RCL1: variants seen among roughly 807,000 people sequenced by gnomAD.
RCL1 encodes the protein RNA terminal phosphate cyclase like 1.
RCL1 carries 24 observed loss-of-function variants against 42.4 expected under a neutral mutation model. The ratio of observed to expected loss-of-function variants is 0.57; its 90% CI spans 0.41 to 0.80. RCL1 has a LOEUF of 0.80. RCL1 is among the 30% of genes least tolerant of loss of function. RCL1 has a pLI of 0.00. For synonymous variants in RCL1, 228 were observed against 177.3 expected (o/e 1.29, Z -2.27); for missense variants, 578 against 467.9 (o/e 1.24, Z -2.17).
intron 1 of RCL1, among the ~76,000 whole-genome samples, chr9:4,811,391 A>C (rs575630390): frequency 3.9e-5 from 6 of 152,040 alleles, no homozygotes; most frequent in African/African-American, 1.4e-4. Flanking sequence ...CTGTACTTTT[A>C]TATTTGTTAA....
intron 1 of RCL1, among the ~76,000 whole-genome samples, chr9:4,796,224 A>G (rs983022480): frequency 6.6e-6 from 1 of 152,070 alleles, no homozygotes; most frequent in African/African-American, 2.4e-5. Flanking sequence ...TAATTTTTCA[A>G]TCTCCCTCAA....
intron 7 of RCL1, 141 bp from the exon 8 acceptor site, chr9:4,849,306 A>G: frequency 1.6e-6 from 1 of 638,054 alleles, no homozygotes; most frequent in African/African-American, 1.8e-5. Context: ...GATTACTCTT[A>G]TAAGACCTGT....
intron 1 of RCL1, among the ~76,000 whole-genome samples, chr9:4,812,335 T>A (rs1312966507): frequency 1.1e-5 from 1 of 90,008 alleles, no homozygotes; most frequent in Non-Finnish European, 3.0e-5. Flanking sequence ...CATTTAAGTC[T>A]TTAAGTTCAT....
Position 4,792,944 on chromosome 9 carries a change from A to T in RCL1, c.-148A>T. ...TCTAGTCTCTCCGTCTTCCTGTTCCAAACCACGTGGACGCGTCTGGGCTGC... is the reference window on the plus strand; with the variant it reads ...TCTAGTCTCTCCGTCTTCCTGTTCCTAACCACGTGGACGCGTCTGGGCTGC... On this transcript the variant is annotated 5_prime_UTR_variant, in exon 1 of 9. Coordinates refer to ENST00000381750, the MANE Select transcript of RCL1 (RefSeq NM_005772.5). 1.2e-6 allele frequency: 1 copy of T among 809,202 alleles called. No individual in the cohort carries two copies. Among genetic ancestry groups the T allele is most frequent in the Non-Finnish European group, 1.8e-6 (1 of 543,454 alleles). The allele number at this position is 809,202 out of a possible 1,614,324, so 50.1% of individuals were successfully genotyped here.
chr9:4,858,919 A>G (rs992892382), intron 8 of RCL1, among the ~76,000 whole-genome samples: 3 of 152,212 alleles, frequency 2.0e-5, no homozygotes, highest in Admixed American at 2.0e-4. Flanking sequence ...TGTTAACAAC[A>G]TAGATTTCTG....
In RCL1 at chr9:4,834,471, CTT is replaced by C. The variant is rs5896097; in HGVS notation, c.584+224_584+225del. Among the ~76,000 whole-genome samples the C allele has an allele frequency of 4.8e-3, 619 of 128,414 alleles. 1 individual carries two copies. The highest frequency in any genetic ancestry group is 5.1e-3 in the Admixed American group (66 of 12,838). The allele number at this position is 128,414 out of a possible 152,430, so 84.2% of individuals were successfully genotyped here. On this transcript the variant is annotated intron_variant, in intron 5 of 8. Coordinates refer to ENST00000381750, the MANE Select transcript of RCL1 (RefSeq NM_005772.5). The stretch of plus-strand genomic sequence containing the variant: ...CCATGACTAGATTGATTGAGTCATT[CTT>C]TTTTTTTTTTTTTTTTTAATTTTCC...
rs80178210 is a variant in RCL1 at position 4,848,724 on chromosome 9, A to G, written c.868-723A>G. On this transcript the variant is annotated intron_variant, in intron 7 of 8. Transcript: ENST00000381750. ...GGCTGAGAAAATGAAAAACAAAAGA[A>G]GAAAGGCAACCTAAGCAGTTGTACC... 2.0e-4 allele frequency among the ~76,000 whole-genome samples: 30 copies of G among 152,338 alleles called. 1 individual carries two copies. The East Asian group carries it at 5.6e-3, about 28-fold the overall frequency.
chr9:4,796,887 AC>A (rs1348319535), intron 1 of RCL1, among the ~76,000 whole-genome samples: 1 of 152,172 alleles, frequency 6.6e-6, no homozygotes, highest in Non-Finnish European at 1.5e-5. Context: ...CTGGGTAGAT[AC>A]CCAGTAGTGG....
At chr9:4,812,501 C>T (rs577985515) in intron 1 of RCL1, among the ~76,000 whole-genome samples, 2 of 152,182 alleles carry the variant, frequency 1.3e-5, no homozygotes, top group Admixed American at 6.5e-5. Flanking sequence ...TGGGCTCAAA[C>T]GATCCTCCTG....
intron 1 of RCL1, among the ~76,000 whole-genome samples, chr9:4,803,314 A>T (rs1405615921): frequency 6.6e-6 from 1 of 152,168 alleles, no homozygotes; most frequent in Admixed American, 6.5e-5. Context: ...ATTATTTAGG[A>T]TATTAACACA....
At chr9:4,832,793 C>T (rs1816983888) in intron 3 of RCL1, among the ~76,000 whole-genome samples, 2 of 112,654 alleles carry the variant, frequency 1.8e-5, no homozygotes, top group East Asian at 2.8e-4. Context: ...GGTGACAGAG[C>T]GAGATTCCAC....
At chr9:4,799,323 A>G (rs975221128) in intron 1 of RCL1, among the ~76,000 whole-genome samples, 1 of 152,054 alleles carries the variant, frequency 6.6e-6, no homozygotes, top group African/African-American at 2.4e-5. Flanking sequence ...TAAGAAAACA[A>G]ACTTTTTATT....
Position 4,793,041 on chromosome 9 carries a change from G to A in RCL1, c.-51G>A, listed in dbSNP as rs764547174. On this transcript the variant is annotated 5_prime_UTR_variant, in exon 1 of 9. Transcript: ENST00000381750. ...CATCGGAGTCACGAGTCCCGCGTCTGTCCGAAGTCGCCGCTCTCGGGCTGC... is the reference window on the plus strand; with the variant it reads ...CATCGGAGTCACGAGTCCCGCGTCTATCCGAAGTCGCCGCTCTCGGGCTGC... 7.0e-6 allele frequency: 11 copies of A among 1,570,750 alleles called. No homozygotes were observed. Among genetic ancestry groups the A allele is most frequent in the Non-Finnish European group, 3.5e-6 (4 of 1,156,940 alleles).
At chr9:4,827,758 A>ATG (rs1554639326) in intron 3 of RCL1, among the ~76,000 whole-genome samples, 2 of 43,854 alleles carry the variant, frequency 4.6e-5, no homozygotes, top group South Asian at 1.0e-3. Context: ...GTGTGTGTGC[A>ATG]CGCGTGTGTG....
chr9:4,813,311 A>G (rs1435209521), intron 1 of RCL1, among the ~76,000 whole-genome samples: 1 of 152,238 alleles, frequency 6.6e-6, no homozygotes, highest in Non-Finnish European at 1.5e-5. Context: ...AATATCCAGA[A>G]TCTACAAAGA....
At chr9:4,815,341 G>C (rs562334754) in intron 1 of RCL1, among the ~76,000 whole-genome samples, 50 of 151,950 alleles carry the variant, frequency 3.3e-4, no homozygotes, top group Non-Finnish European at 6.5e-4. Flanking sequence ...AATTTTGAAA[G>C]ACTTATCTTC....
chr9:4,831,640 AT>A (rs35842041), intron 3 of RCL1, among the ~76,000 whole-genome samples: 71,293 of 151,352 alleles, frequency 0.47, 19,329 homozygotes, highest in East Asian at 0.76. Flanking sequence ...TGCCCAGCTT[AT>A]TTTTTTTTAG....
In RCL1 at chr9:4,860,455, T is replaced by C. The variant is rs907153464; in HGVS notation, c.*180T>C. 1.9e-5 allele frequency: 13 copies of C among 681,048 alleles called. No homozygotes were observed. The highest frequency in any genetic ancestry group is 2.7e-5 in the Non-Finnish European group (12 of 443,288). The allele number at this position is 681,048 out of a possible 1,614,324, so 42.2% of individuals were successfully genotyped here. A position where few individuals can be genotyped will look rare whatever the true frequency, so the allele number is the denominator to read the frequency against. On this transcript the variant is annotated 3_prime_UTR_variant, in exon 9 of 9. Transcript: ENST00000381750. ...CTGTAGCATATGGTTTCCAGCTGTT[T>C]CTCCAGTGGCATTGCCATTGCCCAG...
At chr9:4,849,837 C>T (rs192568859) in intron 8 of RCL1, among the ~76,000 whole-genome samples, 34 of 152,188 alleles carry the variant, frequency 2.2e-4, no homozygotes, top group Admixed American at 1.4e-3. Context: ...AGGTAAACTC[C>T]TGGTTTGGTG....
Sources: gnomAD v4.1 joint callset for allele counts (sites outside exome capture counted in the v4.1 genomes callset) on GRCh38, gnomAD v4.1.1 for gene constraint, MANE v1.5 for transcripts, NCBI Gene and HGNC (gene_info 2026-07-23, HGNC 2026-07-21) for gene names.